SELP: variants seen among roughly 807,000 people sequenced by gnomAD.
SELP encodes the protein P-selectin.
In SELP, 92 loss-of-function variants were observed where a neutral mutation model predicts 104.1. That is an observed-to-expected ratio of 0.88 (90% CI 0.75 to 1.05). The LOEUF (loss-of-function observed/expected upper bound fraction) is 1.05, where lower values mean the gene tolerates loss of function less well. Ranked by LOEUF, SELP falls within the 50% of genes least tolerant of loss-of-function variation. SELP has a pLI of 0.00. For missense variants in SELP, 1,022 were observed against 1,017.3 expected, an observed-to-expected ratio of 1.00 and a Z score of -0.06; for synonymous variants, 397 against 364.5, an observed-to-expected ratio of 1.09 and a Z score of -1.01.
chr1:169,627,994 C>G lies in SELP; in HGVS notation c.3+2078G>C, dbSNP rs3917860. Reference sequence around the variant, plus strand: ...CACTGCCACCTCCACCTCCTGGGTTCAAGAGTTTGTCCTGCCTCAGCCTCC... The same window carrying G: ...CACTGCCACCTCCACCTCCTGGGTTGAAGAGTTTGTCCTGCCTCAGCCTCC... On this transcript the variant is annotated intron_variant, in intron 1 of 16. Coordinates refer to ENST00000263686, the MANE Select transcript of SELP (RefSeq NM_003005.4). 1.1e-3 allele frequency among the ~76,000 whole-genome samples: 168 copies of G among 152,344 alleles called. 1 individual carries two copies. The highest frequency in any genetic ancestry group is 3.4e-3 in the Middle Eastern group (1 of 294).
intron 12 of SELP, 113 bp downstream of exon 12, chr1:169,595,812 G>T: frequency 1.2e-6 from 1 of 846,374 alleles, no homozygotes; most frequent in Non-Finnish European, 2.0e-6. Flanking sequence ...TAAGGGAGAT[G>T]ACACTTGGAG....
rs567375798 is a variant in SELP at position 169,603,296 on chromosome 1, C to CCTCTCTCT, written c.1520-93_1520-86dup. On this transcript the variant is annotated intron_variant, in intron 9 of 16. Transcript: ENST00000263686. Reference sequence around the variant, plus strand: ...CTCTGTAACTCTCTCTCTCTTTCTCCCTCTCTCTCTCTGTGTGTGTGTGTG... The same window carrying CCTCTCTCT: ...CTCTGTAACTCTCTCTCTCTTTCTCCCTCTCTCTCTCTCTCTCTCTGTGTGTGTGTGTG... 95 of 676,222 alleles carry CCTCTCTCT rather than the reference C, an allele frequency of 1.4e-4. No homozygotes were observed. In the African/African-American group the frequency reaches 1.9e-3, roughly 14 times the overall value. 41.9% of individuals were successfully genotyped at this position (676,222 alleles called of 1,614,324 possible).
At chr1:169,604,718 A>G (rs929023417) in intron 9 of SELP, among the ~76,000 whole-genome samples, 1 of 152,106 alleles carries the variant, frequency 6.6e-6, no homozygotes, top group African/African-American at 2.4e-5. Context: ...GGGGCTGGAG[A>G]GGACACAACT....
Position 169,609,645 on chromosome 1 carries a change from C to G in SELP, c.1192G>C (p.Asp398His). The G allele has an allele frequency of 6.2e-7, 1 of 1,613,944 alleles. No homozygotes were observed. The highest frequency in any genetic ancestry group is 8.5e-7 in the Non-Finnish European group (1 of 1,179,936). The stretch of plus-strand genomic sequence containing the variant: ...AACGCTCTCAAGGATGGAGAGCAAT[C>G]CATGCTTCCGTGGACAGGACTCTCC... ...PLESPVHGSM[D>H]CSPSLRAFQY... Residue 398 changes from aspartate to histidine, a missense_variant, in exon 8 of 17, where the codon GAT becomes CAT. By Grantham distance (81) the Asp-to-His change is moderately conservative. Transcript: ENST00000263686.
At chr1:169,595,791 T>C in intron 12 of SELP, 134 bp downstream of exon 12, 2 of 742,984 alleles carry the variant, frequency 2.7e-6, no homozygotes, top group South Asian at 3.2e-5. Context: ...ATGGGATTGG[T>C]GTGGATTTCA....
intron 5 of SELP, 132 bp downstream of exon 5, chr1:169,612,797 T>G: frequency 1.4e-6 from 1 of 711,866 alleles, no homozygotes; most frequent in South Asian, 2.6e-5. Context: ...CAGTTAACAG[T>G]GATAACCAGA....
intron 10 of SELP, among the ~76,000 whole-genome samples, chr1:169,602,537 A>G (rs1171383611): frequency 2.6e-5 from 4 of 152,152 alleles, no homozygotes; most frequent in Admixed American, 6.5e-5. Flanking sequence ...ATAAAATGAG[A>G]TGATACTGCC....
chr1:169,609,246 C>A (rs1332748560), intron 8 of SELP, among the ~76,000 whole-genome samples: 1 of 152,100 alleles, frequency 6.6e-6, no homozygotes, highest in African/African-American at 2.4e-5. Flanking sequence ...TCCCCCAAGC[C>A]CCATCTTCTT....
intron 1 of SELP, among the ~76,000 whole-genome samples, chr1:169,623,589 A>G (rs532483823): frequency 3.9e-4 from 60 of 152,334 alleles, no homozygotes; most frequent in Non-Finnish European, 2.9e-4. Context: ...TGAAGGTTTT[A>G]GAGGACTGGT....
At chr1:169,603,333 G>C (rs1229938610) in intron 9 of SELP, 122 bp from the exon 10 acceptor site, 10 of 736,318 alleles carry the variant, frequency 1.4e-5, no homozygotes, top group African/African-American at 1.1e-4. Context: ...GTGTGTGTGT[G>C]TGTGTGTGTG....
In SELP at chr1:169,596,063, A is replaced by G. The variant is rs1466832661; in HGVS notation, c.1963T>C (p.Cys655Arg). 1.2e-6 allele frequency: 2 copies of G among 1,613,950 alleles called. No homozygotes were observed. The highest frequency in any genetic ancestry group is 2.7e-5 in the African/African-American group (2 of 75,014). The change falls in exon 12 of 17, where the codon TGT becomes CGT. Residue 655 changes from cysteine (C) to arginine (R), a missense_variant. Cys to Arg is a radical substitution (Grantham distance 180, BLOSUM62 -3). Transcript: ENST00000263686. ...CCAAAGGTTCCCGGATGATGCCTAC[A>G]GTACATGGTTCCCTGCCCAGGAGTG... is the stretch of plus-strand genomic sequence containing the variant. ...LTTPGQGTMYCRHHPGTFGFN... is the reference protein window; with the variant it reads ...LTTPGQGTMYRRHHPGTFGFN...
At position 169,617,193 on chromosome 1, in the gene SELP, TTCCCACCCATGTC is replaced by T. The variant is rs1249441516; in HGVS notation, c.303_315del (p.Trp101Ter). The T allele has an allele frequency of 6.2e-7, 1 of 1,614,226 alleles. No individual in the cohort carries two copies. Among genetic ancestry groups the T allele is most frequent in the Non-Finnish European group, 8.5e-7 (1 of 1,180,032 alleles). ...GCCTCGTTGGTGAGAGCCTTTTTGG[TTCCCACCCATGTC>T]CATGTCTTATTGTTCTTTCGGATCC... On this transcript the variant is annotated frameshift_variant, in exon 3 of 17. Coordinates refer to ENST00000263686, the MANE Select transcript of SELP (RefSeq NM_003005.4). LOFTEE classifies it high-confidence loss of function.
intron 1 of SELP, among the ~76,000 whole-genome samples, chr1:169,623,663 G>T (rs920455748): frequency 1.3e-5 from 2 of 152,168 alleles, no homozygotes; most frequent in Non-Finnish European, 2.9e-5. Flanking sequence ...TGCATCCCCT[G>T]CTTTAATCTG....
chr1:169,598,769 A>G (rs1403613196), intron 10 of SELP, among the ~76,000 whole-genome samples: 2 of 152,232 alleles, frequency 1.3e-5, no homozygotes, highest in Non-Finnish European at 2.9e-5. Context: ...TGTATCCCAG[A>G]GAACAGGGCC....
Position 169,597,034 on chromosome 1 carries a change from G to A in SELP, c.1848C>T (p.Cys616=). ...TAGCTGACCATCTTCCAGAAGTTGT[G>A]CATTCCACATTATTGGGCCCCTCCA... ...FKLEGPNNVE[C]TTSGRWSATP... is the part of the protein sequence containing the mutation. Residue 616 remains cysteine, a synonymous_variant, in exon 11 of 17, where the codon TGC becomes TGT. Transcript: ENST00000263686. 1.2e-6 allele frequency: 2 copies of A among 1,613,196 alleles called. No homozygotes were observed. The highest frequency in any genetic ancestry group is 1.7e-5 in the Admixed American group (1 of 59,944).
chr1:169,591,667 C>G (rs560002313), intron 14 of SELP: 1 of 382,810 alleles, frequency 2.6e-6, no homozygotes, highest in Non-Finnish European at 4.7e-6. Context: ...ACTCCAGAGT[C>G]CTGTCACTTT....
intron 11 of SELP, 40 bp from the exon 12 acceptor site, chr1:169,596,174 T>A: frequency 6.4e-7 from 1 of 1,574,716 alleles, no homozygotes; most frequent in East Asian, 2.2e-5. Flanking sequence ...ACCTCCCAAT[T>A]AAAAGAAGCG....
chr1:169,609,340 C>T (rs767529175), intron 8 of SELP, among the ~76,000 whole-genome samples, 164 bp downstream of exon 8: 13 of 152,178 alleles, frequency 8.5e-5, no homozygotes, highest in Non-Finnish European at 1.3e-4. Context: ...AGACTGGCTT[C>T]ACGCACCGTT....
intron 1 of SELP, among the ~76,000 whole-genome samples, chr1:169,629,102 T>C (rs1663515305): frequency 6.6e-6 from 1 of 152,236 alleles, no homozygotes; most frequent in Non-Finnish European, 1.5e-5. Flanking sequence ...CTATGTGGGA[T>C]ACTCTTGGAA....
Sources: allele counts gnomAD v4.1 joint callset (sites outside exome capture counted in the v4.1 genomes callset), GRCh38; gene constraint gnomAD v4.1.1; transcripts MANE v1.5; gene names NCBI Gene and HGNC (gene_info 2026-07-23, HGNC 2026-07-21).